Variants in GLI2 observed in about 807,000 individuals in gnomAD.
The protein encoded by GLI2 is transcription activator GLI2.
Under a neutral mutation model 78.9 loss-of-function variants are expected in GLI2, and 22 were observed. The observed-to-expected ratio is 0.28, with a 90% CI of 0.20 to 0.40. GLI2 has a LOEUF of 0.40. Among genes scored for constraint, GLI2 ranks in the 10% least tolerant of loss-of-function variants. The pLI is 1.00. For missense variants in GLI2, 2,097 were observed against 2,213.2 expected (o/e 0.95, Z 1.05); for synonymous variants, 974 against 963.7 (o/e 1.01, Z -0.20).
intron 2 of GLI2, among the ~76,000 whole-genome samples, chr2:120,901,466 C>T (rs1422918041): frequency 2.6e-5 from 4 of 152,180 alleles, no homozygotes; most frequent in African/African-American, 7.2e-5. Flanking sequence ...GGTGGAGAGG[C>T]GGCTTCCGCT....
chr2:120,837,023 A>ATCCATC (rs1237736585), intron 2 of GLI2, among the ~76,000 whole-genome samples: 1 of 152,180 alleles, frequency 6.6e-6, no homozygotes, highest in East Asian at 1.9e-4. Flanking sequence ...TGATTTGCCT[A>ATCCATC]TCCATCTCCT....
intron 2 of GLI2, among the ~76,000 whole-genome samples, chr2:120,868,730 G>A (rs1301994616): frequency 6.6e-6 from 1 of 152,254 alleles, no homozygotes; most frequent in Non-Finnish European, 1.5e-5. Flanking sequence ...CGAGGGAAGA[G>A]GGGGCGGGTG....
intron 11 of GLI2, among the ~76,000 whole-genome samples, chr2:120,984,201 G>A (rs1682856691): frequency 6.6e-6 from 1 of 152,204 alleles, no homozygotes; most frequent in Non-Finnish European, 1.5e-5. Context: ...GTGATTACAC[G>A]AGGCACATGT....
At chr2:120,959,120 C>T (rs958729073) in intron 5 of GLI2, among the ~76,000 whole-genome samples, 26 of 152,316 alleles carry the variant, frequency 1.7e-4, no homozygotes, top group African/African-American at 6.0e-4. Context: ...GCCCCGGGGG[C>T]TGAGCATCTC....
intron 1 of GLI2, among the ~76,000 whole-genome samples, chr2:120,780,176 T>A (rs1392058423): frequency 6.6e-6 from 1 of 151,788 alleles, no homozygotes; most frequent in Non-Finnish European, 1.5e-5. Context: ...AAGCCTGGAG[T>A]GAGCATGTGG....
chr2:120,800,633 T>C lies in GLI2; in HGVS notation c.148+3165T>C, dbSNP rs1558803199. Among the ~76,000 whole-genome samples the C allele has an allele frequency of 6.7e-6, 1 of 150,160 alleles. No individual in the cohort carries two copies. ...CCATTCTCCTGCCTCAGCCTCCCAG[T>C]AGCTGGGACTACAGGCACCCGCCAC... On this transcript the variant is annotated intron_variant, in intron 2 of 13. Coordinates refer to ENST00000361492, the MANE Select transcript of GLI2 (RefSeq NM_001374353.1). The surrounding 1 kb of genome is among the most constrained non-coding windows in gnomAD (Gnocchi z 4.1).
intron 2 of GLI2, among the ~76,000 whole-genome samples, chr2:120,823,534 G>A (rs1558816947): frequency 6.6e-6 from 1 of 152,206 alleles, no homozygotes; most frequent in Non-Finnish European, 1.5e-5. Context: ...AGAGAGTGAT[G>A]TGACATTCTT....
chr2:120,767,025 C>T (rs570544406), intron 1 of GLI2, among the ~76,000 whole-genome samples: 1 of 152,308 alleles, frequency 6.6e-6, no homozygotes, highest in Admixed American at 6.5e-5. Flanking sequence ...CTGCCCAGGG[C>T]TATAATCATG....
chr2:120,912,713 G>A (rs1041684238), intron 2 of GLI2, among the ~76,000 whole-genome samples: 3 of 152,220 alleles, frequency 2.0e-5, no homozygotes, highest in African/African-American at 7.2e-5. Flanking sequence ...CCCCGGCATG[G>A]GCTTTGCTTT....
rs1014203907 is a variant in GLI2 at position 120,953,851 on chromosome 2, TA to T, written c.458-1385del. Among the ~76,000 whole-genome samples, 134 of 151,756 alleles carry T rather than the reference TA, an allele frequency of 8.8e-4. 1 individual carries two copies. In the East Asian group the frequency reaches 0.012, roughly 14 times the overall value. On this transcript the variant is annotated intron_variant, in intron 4 of 13. Transcript: ENST00000361492. ...GGGCAACAGAGTGAGATCCTGTCTCTAAAAAAAAATTTTAAAAAGGAGCTGG... is the reference window on the plus strand; with the variant it reads ...GGGCAACAGAGTGAGATCCTGTCTCTAAAAAAAATTTTAAAAAGGAGCTGG...
At chr2:120,799,333 C>G (rs1684575476) in intron 2 of GLI2, among the ~76,000 whole-genome samples, 2 of 152,190 alleles carry the variant, frequency 1.3e-5, no homozygotes, top group Non-Finnish European at 2.9e-5. Flanking sequence ...TGGTGAGGTT[C>G]CAGCGGAGGG....
intron 2 of GLI2, among the ~76,000 whole-genome samples, chr2:120,886,149 AT>A (rs1177771610): frequency 4.1e-5 from 4 of 98,622 alleles, no homozygotes; most frequent in Non-Finnish European, 8.8e-5. Flanking sequence ...CCCTATTCTA[AT>A]TTTTCCAAAG....
chr2:120,807,414 T>TG (rs113554626), intron 2 of GLI2, among the ~76,000 whole-genome samples: 3,327 of 152,236 alleles, frequency 0.022, 119 homozygotes, highest in African/African-American at 0.077. Flanking sequence ...ACATGGTAGT[T>TG]CAGCTGTTAG....
chr2:120,748,274 A>G (rs768777301), intron 1 of GLI2, among the ~76,000 whole-genome samples: 7 of 152,252 alleles, frequency 4.6e-5, no homozygotes, highest in Non-Finnish European at 5.9e-5. Context: ...GCTTGCAGCT[A>G]CTAGTCAGAG....
rs572651751 is a variant in GLI2, at chr2:120,793,174, A to T, written c.-30-4117A>T. ...GACCTGGGTGAACCTCCTAACGGAC[A>T]GGGGGCTTCTCCGGGCCCTGGGTCC... is the stretch of plus-strand genomic sequence containing the variant. On this transcript the variant is annotated intron_variant, in intron 1 of 13. Coordinates refer to ENST00000361492, the MANE Select transcript of GLI2 (RefSeq NM_001374353.1). Among the ~76,000 whole-genome samples, 6 of 152,360 alleles carry T rather than the reference A, an allele frequency of 3.9e-5. No homozygotes were observed. In the South Asian group the frequency reaches 1.2e-3, roughly 32 times the overall value.
At chr2:120,760,939 CTG>C (rs1558783442) in intron 1 of GLI2, among the ~76,000 whole-genome samples, 2 of 152,180 alleles carry the variant, frequency 1.3e-5, no homozygotes, top group South Asian at 4.1e-4. Flanking sequence ...AGCCCAGTGA[CTG>C]TGAGGTCTGC....
chr2:120,814,066 T>C (rs1685384199), intron 2 of GLI2, among the ~76,000 whole-genome samples: 1 of 151,506 alleles, frequency 6.6e-6, no homozygotes, highest in South Asian at 2.1e-4. Flanking sequence ...CTGGCATGGT[T>C]ATCCCATCCC....
Position 120,914,991 on chromosome 2 carries a change from G to A in GLI2, c.149-12370G>A, listed in dbSNP as rs980919577. Among the ~76,000 whole-genome samples the A allele has an allele frequency of 3.3e-5, 5 of 152,172 alleles. No homozygotes were observed. The East Asian group carries it at 9.6e-4, about 29-fold the overall frequency. ...AGGGAACAGATCCCATGACTGCCTG[G>A]CTCCCGAGCGGCCAGACCCAAATGG... On this transcript the variant is annotated intron_variant, in intron 2 of 13. Transcript: ENST00000361492.
intron 1 of GLI2, among the ~76,000 whole-genome samples, chr2:120,766,467 T>C (rs1683370391): frequency 6.6e-6 from 1 of 152,026 alleles, no homozygotes. Context: ...TAGAAGAGTA[T>C]GGAGGCTGCC....
Sources: allele counts gnomAD v4.1 joint callset (sites outside exome capture counted in the v4.1 genomes callset), GRCh38; gene constraint gnomAD v4.1.1; non-coding constraint Gnocchi (gnomAD v3.1); transcripts MANE v1.5; gene names NCBI Gene and HGNC (gene_info 2026-07-23, HGNC 2026-07-21).